The following KCTD16 variants were observed in gnomAD, a reference collection of about 807,000 sequenced individuals.
KCTD16 encodes the protein potassium channel tetramerization domain containing 16.
In KCTD16, 13 loss-of-function variants were observed where a neutral mutation model predicts 33.2. The observed-to-expected ratio is 0.39, with a 90% CI of 0.25 to 0.62. The LOEUF is 0.62. Among genes scored for constraint, KCTD16 ranks in the 20% least tolerant of loss-of-function variants. The pLI is 0.50. For missense variants in KCTD16, 441 were observed against 525.1 expected (o/e 0.84, Z 1.57); for synonymous variants, 197 against 195.3 (o/e 1.01, Z -0.07).
intron 3 of KCTD16, among the ~76,000 whole-genome samples, chr5:144,218,293 T>C (rs1753626846): frequency 6.6e-6 from 1 of 152,212 alleles, no homozygotes; most frequent in African/African-American, 2.4e-5. Context: ...GCTCCTAGTC[T>C]GTACTTGGGG....
rs1754546218 is a variant in KCTD16, at chr5:144,474,225, G to T, written c.*111G>T. The T allele has an allele frequency of 7.5e-6, 6 of 805,038 alleles. No individual in the cohort carries two copies. The highest frequency in any genetic ancestry group is 1.2e-5 in the Non-Finnish European group (6 of 516,374). 49.9% of individuals were successfully genotyped at this position (805,038 alleles called of 1,614,324 possible). ...TACAACTAATGATGCACATTTCTTA[G>T]AACACAATAGTCCATTGATATACTA... On this transcript the variant is annotated 3_prime_UTR_variant, in exon 4 of 4. Transcript: ENST00000512467.
intron 3 of KCTD16, among the ~76,000 whole-genome samples, chr5:144,240,291 G>A (rs10037605): frequency 0.045 from 6,868 of 152,118 alleles, 451 homozygotes; most frequent in African/African-American, 0.15. Flanking sequence ...GAAACCTCCC[G>A]ATATCTCTTT....
At chr5:144,461,910 G>T (rs181343350) in intron 3 of KCTD16, among the ~76,000 whole-genome samples, 19 of 152,134 alleles carry the variant, frequency 1.2e-4, no homozygotes, top group Admixed American at 6.5e-5. Flanking sequence ...AAAGCCAGAT[G>T]CTGCTTCCTC....
intron 3 of KCTD16, among the ~76,000 whole-genome samples, chr5:144,461,300 C>T (rs190076247): frequency 4.3e-4 from 65 of 152,126 alleles, no homozygotes; most frequent in African/African-American, 1.5e-3. Context: ...CAGAATTGGA[C>T]TCATCACCTT....
At chr5:144,343,558 G>GT (rs1274405656) in intron 3 of KCTD16, among the ~76,000 whole-genome samples, 12 of 151,816 alleles carry the variant, frequency 7.9e-5, no homozygotes, top group East Asian at 3.9e-4. Flanking sequence ...TTTTTGAAGG[G>GT]TTTTTTGTGT....
At chr5:144,173,604 G>T (rs997006194) in intron 1 of KCTD16, among the ~76,000 whole-genome samples, 1 of 152,066 alleles carries the variant, frequency 6.6e-6, no homozygotes, top group Non-Finnish European at 1.5e-5. Context: ...ACCTGCACCT[G>T]TACCCCTGAA....
At chr5:144,277,299 A>C (rs1035722585) in intron 3 of KCTD16, among the ~76,000 whole-genome samples, 1 of 152,180 alleles carries the variant, frequency 6.6e-6, no homozygotes, top group Admixed American at 6.5e-5. Flanking sequence ...GATGATGATG[A>C]CGACGATGAT....
At chr5:144,435,586 T>C (rs951843386) in intron 3 of KCTD16, among the ~76,000 whole-genome samples, 5 of 152,234 alleles carry the variant, frequency 3.3e-5, no homozygotes, top group African/African-American at 1.2e-4. Flanking sequence ...TAAATATTCT[T>C]GCACATATAC....
At chr5:144,327,254 G>A (rs1374291243) in intron 3 of KCTD16, among the ~76,000 whole-genome samples, 1 of 152,104 alleles carries the variant, frequency 6.6e-6, no homozygotes, top group Non-Finnish European at 1.5e-5. Flanking sequence ...TTATTTCTAA[G>A]TAAGCCCTTC....
At chr5:144,422,288 G>A (rs1753229191) in intron 3 of KCTD16, among the ~76,000 whole-genome samples, 1 of 152,254 alleles carries the variant, frequency 6.6e-6, no homozygotes, top group South Asian at 2.1e-4. Flanking sequence ...ACATCTAAAT[G>A]TTTCTGTTTG....
intron 3 of KCTD16, among the ~76,000 whole-genome samples, chr5:144,458,280 A>C (rs1754117802): frequency 6.6e-6 from 1 of 152,166 alleles, no homozygotes; most frequent in African/African-American, 2.4e-5. Context: ...CCCACTGAGA[A>C]GAAGCAGAGT....
rs1280446260 is a variant in KCTD16 at position 144,465,172 on chromosome 5, G to GTC, written c.833-8479_833-8478dup. ...GTAGATCAGTCTTATCACATACATAGTCTCTCTCTCCCCCCCCTCTCTCTC... is the reference window on the plus strand; with the variant it reads ...GTAGATCAGTCTTATCACATACATAGTCTCTCTCTCTCCCCCCCCTCTCTCTC... On this transcript the variant is annotated intron_variant, in intron 3 of 3. Transcript: ENST00000512467. Among the ~76,000 whole-genome samples, 231 of 128,798 alleles carry GTC rather than the reference G, an allele frequency of 1.8e-3. 5 individuals carry two copies. Among genetic ancestry groups the GTC allele is most frequent in the Middle Eastern group, 4.0e-3 (1 of 252 alleles). The allele number at this position is 128,798 out of a possible 152,430, so 84.5% of individuals were successfully genotyped here. A position where few individuals can be genotyped will look rare whatever the true frequency, so the allele number is the denominator to read the frequency against.
chr5:144,173,169 C>T (rs192690256), intron 1 of KCTD16, among the ~76,000 whole-genome samples: 121 of 152,278 alleles, frequency 7.9e-4, no homozygotes, highest in South Asian at 3.3e-3. Flanking sequence ...ATCATAACTA[C>T]GCATGCATGT....
At chr5:144,341,467 A>C (rs1752641102) in intron 3 of KCTD16, among the ~76,000 whole-genome samples, 1 of 152,186 alleles carries the variant, frequency 6.6e-6, no homozygotes, top group African/African-American at 2.4e-5. Flanking sequence ...TCTATTGTGA[A>C]TCTGAAGGCT....
chr5:144,350,313 CA>C (rs935210126), intron 3 of KCTD16, among the ~76,000 whole-genome samples: 12 of 152,040 alleles, frequency 7.9e-5, no homozygotes, highest in African/African-American at 2.7e-4. Flanking sequence ...ACTGCAAACA[CA>C]AGGCCTGGTT....
intron 3 of KCTD16, among the ~76,000 whole-genome samples, chr5:144,424,154 G>A (rs1239401469): frequency 1.3e-5 from 2 of 152,162 alleles, no homozygotes; most frequent in Non-Finnish European, 2.9e-5. Context: ...TCTGTAAGTG[G>A]TAGGAAAACA....
At chr5:144,308,109 C>T (rs1751656527) in intron 3 of KCTD16, among the ~76,000 whole-genome samples, 2 of 152,156 alleles carry the variant, frequency 1.3e-5, no homozygotes, top group Non-Finnish European at 2.9e-5. Flanking sequence ...AAGATATGGG[C>T]TTGGTTGGGG....
At chr5:144,246,431 A>C (rs566669773) in intron 3 of KCTD16, among the ~76,000 whole-genome samples, 2 of 152,360 alleles carry the variant, frequency 1.3e-5, no homozygotes, top group African/African-American at 4.8e-5. Flanking sequence ...TAGGGGACAA[A>C]ATATTGGGAA....
rs184337314 is a variant in KCTD16, at chr5:144,183,527, C to T, written c.-327+9055C>T. ...TTGTCCCATATTTAAAAATAATTTT[C>T]AAATCTTGTGGAATATAAGAAGGAA... On this transcript the variant is annotated intron_variant, in intron 2 of 3. Coordinates refer to ENST00000512467, the MANE Select transcript of KCTD16 (RefSeq NM_020768.4). Among the ~76,000 whole-genome samples, 325 of 152,108 alleles carry T rather than the reference C, an allele frequency of 2.1e-3. 2 individuals are homozygous for T. Among genetic ancestry groups the T allele is most frequent in the African/African-American group, 7.5e-3 (313 of 41,486 alleles).
Sources: allele counts gnomAD v4.1 joint callset (sites outside exome capture counted in the v4.1 genomes callset), GRCh38; gene constraint gnomAD v4.1.1; transcripts MANE v1.5; gene names NCBI Gene and HGNC (gene_info 2026-07-23, HGNC 2026-07-21).